The following NDUFA5 variants were observed in gnomAD, a reference collection of about 807,000 sequenced individuals.
NDUFA5 encodes NADH dehydrogenase [ubiquinone] 1 alpha subcomplex subunit 5.
NDUFA5 carries 11 observed loss-of-function variants against 19.8 expected under a neutral mutation model. The observed-to-expected ratio is 0.56, with a 90% CI of 0.35 to 0.92. NDUFA5 has a LOEUF of 0.92. Among genes scored for constraint, NDUFA5 ranks in the 40% least tolerant of loss-of-function variants. The pLI, the probability that NDUFA5 is intolerant of heterozygous loss-of-function variation, is 0.01. For missense variants in NDUFA5, 109 were observed against 134.2 expected (o/e 0.81, Z 0.93); for synonymous variants, 47 against 46.8 (o/e 1.00, Z -0.01).
intron 4 of NDUFA5, 91 bp from the exon 5 acceptor site, chr7:123,542,311 T>C (rs1797971026): frequency 1.2e-6 from 1 of 836,940 alleles, no homozygotes; most frequent in Non-Finnish European, 1.9e-6. Context: ...TAGTTACTAC[T>C]TTCATTTAAT....
At chr7:123,562,798 CTTTT>C (rs35492926), upstream of NDUFA5, among the ~76,000 whole-genome samples, 19 of 136,008 alleles carry the variant, frequency 1.4e-4, no homozygotes, top group South Asian at 2.3e-4. Context: ...TTCTTTCTTT[CTTTT>C]TTTTTTTTTT....
Position 123,539,595 on chromosome 7 carries a change from A to T in NDUFA5, c.*2524T>A, listed in dbSNP as rs1485862387. 1.3e-5 allele frequency: 2 copies of T among 152,236 alleles called. No individual in the cohort carries two copies. The highest frequency in any genetic ancestry group is 2.4e-5 in the African/African-American group (1 of 41,466). 9.4% of individuals were successfully genotyped at this position (152,236 alleles called of 1,614,324 possible). ...AAAACACTGAAGATCTCTGAATAAAAGAATCATTTGCAAAGTGATCAGGAG... is the reference window on the plus strand; with the variant it reads ...AAAACACTGAAGATCTCTGAATAAATGAATCATTTGCAAAGTGATCAGGAG... On this transcript the variant is annotated 3_prime_UTR_variant, in exon 5 of 5. Coordinates refer to ENST00000355749, the MANE Select transcript of NDUFA5 (RefSeq NM_005000.5).
intron 3 of NDUFA5, among the ~76,000 whole-genome samples, chr7:123,548,169 C>T (rs2116106594): frequency 6.6e-6 from 1 of 152,236 alleles, no homozygotes; most frequent in East Asian, 1.9e-4. Context: ...TGGCAATATT[C>T]ACTAAAGATT....
chr7:123,598,819 C>T, the NDUFA5 span: 3 of 152,156 alleles, frequency 2.0e-5, no homozygotes, highest in Non-Finnish European at 4.4e-5. Flanking sequence ...GGCTACATGG[C>T]AACTAAATGA....
chr7:123,560,169 AAGAAG>A (rs1380026774), upstream of NDUFA5, among the ~76,000 whole-genome samples: 1 of 152,176 alleles, frequency 6.6e-6, no homozygotes, highest in Non-Finnish European at 1.5e-5. Context: ...AAGCTGGGAA[AAGAAG>A]AGAAATTTTT....
At chr7:123,551,866 AT>A (rs1314445064) in intron 2 of NDUFA5, among the ~76,000 whole-genome samples, 7 of 152,314 alleles carry the variant, frequency 4.6e-5, no homozygotes, top group Admixed American at 3.9e-4. Context: ...AAGTTTTAAT[AT>A]GATCTAAAAT....
At chr7:123,545,720 G>C (rs1197245863) in intron 3 of NDUFA5, 44 bp from the exon 4 acceptor site, 1 of 1,346,580 alleles carries the variant, frequency 7.4e-7, no homozygotes, top group Non-Finnish European at 1.0e-6. Context: ...CATACTAACT[G>C]AATGTTTCAA....
chr7:123,555,570 G>A (rs1298094761), intron 2 of NDUFA5: 1 of 152,184 alleles, frequency 6.6e-6, no homozygotes, highest in African/African-American at 2.4e-5. Context: ...ACAGCCCACA[G>A]AGGAAGAAAT....
At chr7:123,596,676 G>T in the NDUFA5 span, among the ~76,000 whole-genome samples, 1 of 152,050 alleles carries the variant, frequency 6.6e-6, no homozygotes, top group Non-Finnish European at 1.5e-5. Context: ...TGAATTTATT[G>T]TGCTAAGTTT....
chr7:123,572,597 T>C, the NDUFA5 span, among the ~76,000 whole-genome samples: 1 of 152,088 alleles, frequency 6.6e-6, no homozygotes. Context: ...ATAATTTTTC[T>C]TTCCTTTCCT....
At chr7:123,563,365 C>A in the NDUFA5 span, among the ~76,000 whole-genome samples, 97 of 152,238 alleles carry the variant, frequency 6.4e-4, no homozygotes, top group African/African-American at 2.3e-3. Context: ...ATTGTTGTAT[C>A]TCAGGGAATA....
intron 3 of NDUFA5, among the ~76,000 whole-genome samples, chr7:123,547,117 T>C (rs1798160892): frequency 6.6e-6 from 1 of 152,124 alleles, no homozygotes; most frequent in African/African-American, 2.4e-5. Context: ...AAGAACAGAT[T>C]CTACCCAATA....
At chr7:123,550,393 G>T in intron 3 of NDUFA5, 77 bp downstream of exon 3, 1 of 794,884 alleles carries the variant, frequency 1.3e-6, no homozygotes, top group Non-Finnish European at 2.2e-6. Context: ...AAAGTGTGTC[G>T]AATATATAAA....
chr7:123,590,231 A>G, the NDUFA5 span, among the ~76,000 whole-genome samples: 1 of 152,158 alleles, frequency 6.6e-6, no homozygotes, highest in Non-Finnish European at 1.5e-5. Flanking sequence ...ACCCTTTGTC[A>G]GATGGATAGG....
intron 2 of NDUFA5, 196 bp downstream of exon 2, chr7:123,557,208 G>A (rs773405839): frequency 3.0e-5 from 24 of 788,566 alleles, no homozygotes; most frequent in Admixed American, 3.0e-4. Flanking sequence ...TTAATAAAGA[G>A]GTCATGGCAA....
At chr7:123,542,300 TTA>T in intron 4 of NDUFA5, 80 bp from the exon 5 acceptor site, 2 of 977,600 alleles carry the variant, frequency 2.0e-6, no homozygotes, top group Non-Finnish European at 3.1e-6. Context: ...AATTTAACTA[TTA>T]GTTACTACTT....
At chr7:123,551,759 C>A (rs1403941676) in intron 2 of NDUFA5, among the ~76,000 whole-genome samples, 1 of 152,146 alleles carries the variant, frequency 6.6e-6, no homozygotes, top group African/African-American at 2.4e-5. Context: ...CTGAAGCACA[C>A]TGAACTTAAA....
the NDUFA5 span, among the ~76,000 whole-genome samples, chr7:123,564,019 G>C: frequency 2.6e-5 from 4 of 152,122 alleles, no homozygotes; most frequent in Non-Finnish European, 4.4e-5. Context: ...CTATACTTCT[G>C]AATAACAAGA....
At chr7:123,591,164 T>C in the NDUFA5 span, among the ~76,000 whole-genome samples, 5 of 152,238 alleles carry the variant, frequency 3.3e-5, no homozygotes, top group Admixed American at 1.3e-4. Context: ...CCTGAGACTT[T>C]GCTGAAGTTG....
Sources: allele counts gnomAD v4.1 joint callset (sites outside exome capture counted in the v4.1 genomes callset), GRCh38; gene constraint gnomAD v4.1.1; transcripts MANE v1.5; gene names NCBI Gene and HGNC (gene_info 2026-07-23, HGNC 2026-07-21).